The following TRPV4 variants were observed in gnomAD, a reference collection of about 807,000 sequenced individuals.
TRPV4 encodes the protein OSM9-like transient receptor potential channel 4.
Under a neutral mutation model 84.1 loss-of-function variants are expected in TRPV4, and 58 were observed. That is an observed-to-expected ratio of 0.69 (90% CI 0.56 to 0.86). The LOEUF (loss-of-function observed/expected upper bound fraction) is 0.86, where lower values mean the gene tolerates loss of function less well. Ranked by LOEUF, TRPV4 falls within the 40% of genes least tolerant of loss-of-function variation. The pLI, the probability that TRPV4 is intolerant of heterozygous loss-of-function variation, is 0.00. For synonymous variants in TRPV4, 489 were observed against 500.9 expected, an observed-to-expected ratio of 0.98 and a Z score of 0.32; for missense variants, 879 against 1,181.1, an observed-to-expected ratio of 0.74 and a Z score of 3.75.
chr12:109,806,201 CT>C lies in TRPV4; in HGVS notation c.559+2094del, dbSNP rs912588122. On this transcript the variant is annotated intron_variant, in intron 3 of 15. Coordinates refer to ENST00000261740, the MANE Select transcript of TRPV4 (RefSeq NM_021625.5). ...TTCATAAATCCAGCAATTGTATTTT[CT>C]TTTTTTTTTTGAGACAGAGTCTCGC... 4.4e-4 allele frequency among the ~76,000 whole-genome samples: 65 copies of C among 146,412 alleles called. No homozygotes were observed. In the Middle Eastern group the frequency reaches 0.01, roughly 24 times the overall value.
intron 1 of TRPV4, among the ~76,000 whole-genome samples, chr12:109,829,130 C>G (rs1158421817): frequency 6.6e-6 from 1 of 152,066 alleles, no homozygotes; most frequent in Non-Finnish European, 1.5e-5. Flanking sequence ...TATGATCACA[C>G]CACTGCATTC....
intron 1 of TRPV4, among the ~76,000 whole-genome samples, chr12:109,818,897 C>T (rs1037416507): frequency 1.3e-5 from 2 of 152,134 alleles, no homozygotes; most frequent in African/African-American, 4.8e-5. Flanking sequence ...CCCCGAAGAA[C>T]CTGAACAAAG....
chr12:109,800,980 T>A (rs948952366), intron 4 of TRPV4, among the ~76,000 whole-genome samples: 1 of 152,206 alleles, frequency 6.6e-6, no homozygotes, highest in African/African-American at 2.4e-5. Context: ...GTTTGTGGAA[T>A]CCTGAATGTG....
rs753027239 is a variant in TRPV4, at chr12:109,788,709, G to A, written c.1899C>T (p.Val633=). The change falls in exon 13 of 16, where the codon GTC becomes GTT. Residue 633 remains valine, a synonymous_variant. Transcript: ENST00000261740. ...LFMIGYASAL[V]SLLNPCANMK... ...TGTTGGCACACGGGTTCAGGAGGGAGACCAGGGCTGTGGGAGGATAGGGGT... is the reference window on the plus strand; with the variant it reads ...TGTTGGCACACGGGTTCAGGAGGGAAACCAGGGCTGTGGGAGGATAGGGGT... 2.3e-5 allele frequency: 37 copies of A among 1,614,004 alleles called. No homozygotes were observed. The highest frequency in any genetic ancestry group is 3.1e-5 in the Non-Finnish European group (36 of 1,180,058).
At chr12:109,804,637 T>C (rs12307623) in intron 3 of TRPV4, among the ~76,000 whole-genome samples, 2,331 of 152,338 alleles carry the variant, frequency 0.015, 55 homozygotes, top group African/African-American at 0.053. Flanking sequence ...ACCTGAATTC[T>C]AGTCTCAGCC....
rs746278512 is a variant in TRPV4 at position 109,814,767 on chromosome 12, C to T, written c.30G>A (p.Ala10=). Residue 10 remains alanine, a synonymous_variant, in exon 2 of 16, where the codon GCG becomes GCA. Transcript: ENST00000261740. This position sits in a 1 kb window ranked among gnomAD's most constrained non-coding sequence, Gnocchi z 5.4. The part of the protein sequence containing the change: MADSSEGPR[A]GPGEVAELPG... The stretch of plus-strand genomic sequence containing the variant: ...GGAGCTCAGCCACCTCCCCGGGCCC[C>T]GCGCGGGGGCCTTCGCTGGAATCCG... The T allele has an allele frequency of 5.8e-6, 9 of 1,554,478 alleles. No homozygotes were observed. Among genetic ancestry groups the T allele is most frequent in the African/African-American group, 4.1e-5 (3 of 73,380 alleles).
rs1450907954 is a variant in TRPV4 at position 109,814,180 on chromosome 12, G to A, written c.386+231C>T. On this transcript the variant is annotated intron_variant, in intron 2 of 15. Transcript: ENST00000261740. This position sits in a 1 kb window ranked among gnomAD's most constrained non-coding sequence, Gnocchi z 5.4. Reference sequence around the variant, plus strand: ...TGAATGGATTGATGGATAGATGTGTGGATGGTTGGATGGATGGACGAATAG... The same window carrying A: ...TGAATGGATTGATGGATAGATGTGTAGATGGTTGGATGGATGGACGAATAG... 1.1e-4 allele frequency among the ~76,000 whole-genome samples: 17 copies of A among 151,752 alleles called. No homozygotes were observed. The highest frequency in any genetic ancestry group is 4.4e-5 in the Non-Finnish European group (3 of 67,918).
rs1372574581 is a variant in TRPV4 at position 109,783,591 on chromosome 12, G to T, written c.*30C>A. 1 of 1,606,046 alleles carries T rather than the reference G, an allele frequency of 6.2e-7. No homozygotes were observed. The highest frequency in any genetic ancestry group is 8.5e-7 in the Non-Finnish European group (1 of 1,175,230). On this transcript the variant is annotated 3_prime_UTR_variant, in exon 16 of 16. Transcript: ENST00000261740. This position sits in a 1 kb window ranked among gnomAD's most constrained non-coding sequence, Gnocchi z 4.6. ...AATGCGGCTGGACTAGAAATGAGTG[G>T]GCAGAGAAGCTGGGGCTGGGCTGCA...
chr12:109,821,798 T>C lies in TRPV4; in HGVS notation c.-31-6971A>G, dbSNP rs191619515. 1.6e-3 allele frequency among the ~76,000 whole-genome samples: 245 copies of C among 152,176 alleles called. 1 individual carries two copies. The highest frequency in any genetic ancestry group is 3.0e-3 in the Non-Finnish European group (206 of 67,986). ...CCACCTGCCTCAGCCTCCCAAAATGTTGGGATTATAGGTGTGAGCCACCGC... is the reference window on the plus strand; with the variant it reads ...CCACCTGCCTCAGCCTCCCAAAATGCTGGGATTATAGGTGTGAGCCACCGC... On this transcript the variant is annotated intron_variant, in intron 1 of 15. Transcript: ENST00000261740.
At chr12:109,792,582 A>C in intron 11 of TRPV4, 70 bp downstream of exon 11, 1 of 1,601,896 alleles carries the variant, frequency 6.2e-7, no homozygotes, top group Non-Finnish European at 8.6e-7. Context: ...CAGGTGCATA[A>C]GTGTGCATGT....
At chr12:109,820,533 T>TTTTTTTTTTG in intron 1 of TRPV4, among the ~76,000 whole-genome samples, 1 of 141,116 alleles carries the variant, frequency 7.1e-6, no homozygotes, top group Non-Finnish European at 1.5e-5. Context: ...TTTTTTTTTT[T>TTTTTTTTTTG]TTTTTTTTGA....
chr12:109,804,754 T>C (rs901260113), intron 3 of TRPV4, among the ~76,000 whole-genome samples: 1 of 152,226 alleles, frequency 6.6e-6, no homozygotes, highest in Non-Finnish European at 1.5e-5. Flanking sequence ...TGGAATAATG[T>C]GGCCCAGCCA....
intron 8 of TRPV4, 133 bp from the exon 9 acceptor site, chr12:109,794,155 T>C: frequency 2.6e-6 from 3 of 1,139,096 alleles, no homozygotes; most frequent in Non-Finnish European, 3.8e-6. Flanking sequence ...CTCCTGAGTC[T>C]TCCTCCTCCC....
At chr12:109,831,519 A>G (rs564946616) in intron 1 of TRPV4, among the ~76,000 whole-genome samples, 3 of 152,244 alleles carry the variant, frequency 2.0e-5, no homozygotes, top group Non-Finnish European at 4.4e-5. Context: ...CGAAGCTGGG[A>G]TTGGAAGCAT....
intron 1 of TRPV4, among the ~76,000 whole-genome samples, chr12:109,820,005 T>C (rs540234459): frequency 1.3e-5 from 2 of 152,220 alleles, no homozygotes; most frequent in Admixed American, 1.3e-4. Flanking sequence ...AGAATCTGCA[T>C]CTTCCTCTGG....
chr12:109,800,930 T>A (rs2136540598), intron 4 of TRPV4, among the ~76,000 whole-genome samples, 172 bp from the exon 5 acceptor site: 1 of 152,318 alleles, frequency 6.6e-6, no homozygotes, highest in Admixed American at 6.5e-5. Context: ...TTCCCTGGGA[T>A]CCATCGCAGA....
Position 109,817,372 on chromosome 12 carries a change from CT to C in TRPV4, c.-31-2546del, listed in dbSNP as rs150553515. ...TCCACTGCACCCCTCACCATGGCAC[CT>C]CAGGGGCTAATGGAACCCCATCCCA... On this transcript the variant is annotated intron_variant, in intron 1 of 15. Coordinates refer to ENST00000261740, the MANE Select transcript of TRPV4 (RefSeq NM_021625.5). Among the ~76,000 whole-genome samples, 718 of 152,252 alleles carry C rather than the reference CT, an allele frequency of 4.7e-3. 5 individuals are homozygous for C. The highest frequency in any genetic ancestry group is 0.016 in the African/African-American group (678 of 41,552).
intron 12 of TRPV4, 81 bp from the exon 13 acceptor site, chr12:109,788,797 G>A: frequency 6.5e-7 from 1 of 1,541,056 alleles, no homozygotes; most frequent in African/African-American, 1.4e-5. Context: ...ATTTGCTGGA[G>A]GAGAAAGCTG....
chr12:109,789,897 T>C (rs1889925139), intron 12 of TRPV4, among the ~76,000 whole-genome samples: 1 of 152,222 alleles, frequency 6.6e-6, no homozygotes, highest in Non-Finnish European at 1.5e-5. Context: ...GAAGCATGTG[T>C]GTCCTGTTTA....
Sources: gnomAD v4.1 joint callset for allele counts (sites outside exome capture counted in the v4.1 genomes callset) on GRCh38, gnomAD v4.1.1 for gene constraint, Gnocchi (gnomAD v3.1) non-coding constraint, MANE v1.5 for transcripts, NCBI Gene and HGNC (gene_info 2026-07-23, HGNC 2026-07-21) for gene names.